Variants in ZFPM2 observed in about 807,000 individuals in gnomAD.
ZFPM2 encodes zinc finger protein ZFPM2.
ZFPM2 carries 20 observed loss-of-function variants against 98.6 expected under a neutral mutation model. The observed-to-expected ratio is 0.20, with a 90% CI of 0.14 to 0.29. The LOEUF is 0.29. Ranked by LOEUF, ZFPM2 falls within the 10% of genes least tolerant of loss-of-function variation. The pLI, the probability that ZFPM2 is intolerant of heterozygous loss-of-function variation, is 1.00. For missense variants in ZFPM2, 1,310 were observed against 1,388.6 expected, an observed-to-expected ratio of 0.94 and a Z score of 0.90; for synonymous variants, 518 against 502.7, an observed-to-expected ratio of 1.03 and a Z score of -0.41.
chr8:105,484,621 A>G (rs1045305231), intron 3 of ZFPM2, among the ~76,000 whole-genome samples: 3 of 152,224 alleles, frequency 2.0e-5, no homozygotes, highest in Admixed American at 6.5e-5. Context: ...ACACGTCCTT[A>G]GAATAGTGCC....
intron 3 of ZFPM2, among the ~76,000 whole-genome samples, chr8:105,451,098 G>A (rs151125607): frequency 1.3e-3 from 193 of 152,198 alleles, no homozygotes; most frequent in African/African-American, 4.3e-3. Flanking sequence ...TACTTCTTCA[G>A]CTGTGTAAGA....
chr8:105,704,861 T>A (rs1295131383), intron 5 of ZFPM2, among the ~76,000 whole-genome samples: 1 of 152,182 alleles, frequency 6.6e-6, no homozygotes, highest in Non-Finnish European at 1.5e-5. Flanking sequence ...TTTAGTTCAC[T>A]GGTTAGCACA....
At chr8:105,521,256 C>T (rs1425380416) in intron 3 of ZFPM2, among the ~76,000 whole-genome samples, 2 of 151,744 alleles carry the variant, frequency 1.3e-5, no homozygotes, top group East Asian at 1.9e-4. Flanking sequence ...AAACTGTGAG[C>T]AATTTCTAGA....
intron 3 of ZFPM2, among the ~76,000 whole-genome samples, chr8:105,520,912 A>G (rs1430218009): frequency 6.6e-6 from 1 of 152,106 alleles, no homozygotes; most frequent in Non-Finnish European, 1.5e-5. Flanking sequence ...ATTAGCTGAT[A>G]ATAGACATCT....
intron 1 of ZFPM2, among the ~76,000 whole-genome samples, chr8:105,411,070 C>G (rs1188161781): frequency 6.6e-6 from 1 of 151,852 alleles, no homozygotes; most frequent in Admixed American, 6.6e-5. Context: ...AATAATTTGA[C>G]ACTGTGTCTA....
At chr8:105,636,042 C>T (rs1032728293) in intron 5 of ZFPM2, among the ~76,000 whole-genome samples, 2 of 152,016 alleles carry the variant, frequency 1.3e-5, no homozygotes, top group African/African-American at 4.8e-5. Context: ...AATGGTAATT[C>T]TATACAATAT....
intron 1 of ZFPM2, among the ~76,000 whole-genome samples, chr8:105,349,557 T>A (rs770608217): frequency 6.6e-6 from 1 of 152,214 alleles, no homozygotes; most frequent in Admixed American, 6.5e-5. Flanking sequence ...GTGAAGGGTT[T>A]ACATTCACTT....
chr8:105,709,784 G>A (rs1446201102), intron 5 of ZFPM2, among the ~76,000 whole-genome samples: 5 of 152,128 alleles, frequency 3.3e-5, no homozygotes, highest in South Asian at 2.1e-4. Flanking sequence ...AAAAAGATAC[G>A]AAAGTTTAAG....
intron 5 of ZFPM2, among the ~76,000 whole-genome samples, chr8:105,725,223 A>G (rs1293344199): frequency 6.6e-6 from 1 of 151,780 alleles, no homozygotes; most frequent in Non-Finnish European, 1.5e-5. Flanking sequence ...TTATCCAGTT[A>G]TCTTTGTGCA....
At chr8:105,338,632 C>A (rs1488254924) in intron 1 of ZFPM2, among the ~76,000 whole-genome samples, 1 of 151,694 alleles carries the variant, frequency 6.6e-6, no homozygotes, top group Non-Finnish European at 1.5e-5. Flanking sequence ...AAATATGTAA[C>A]CTTTTGTGCC....
At chr8:105,789,488 T>G (rs1411753092) in intron 6 of ZFPM2, among the ~76,000 whole-genome samples, 1 of 152,220 alleles carries the variant, frequency 6.6e-6, no homozygotes, top group African/African-American at 2.4e-5. Flanking sequence ...CTATCATTGT[T>G]GGACATTTGG....
intron 1 of ZFPM2, among the ~76,000 whole-genome samples, chr8:105,397,889 G>A (rs1811254769): frequency 1.3e-5 from 2 of 151,994 alleles, no homozygotes; most frequent in South Asian, 4.2e-4. Flanking sequence ...CATATACCAC[G>A]GACAAATCAA....
At chr8:105,381,931 G>T (rs1810897550) in intron 1 of ZFPM2, among the ~76,000 whole-genome samples, 1 of 152,044 alleles carries the variant, frequency 6.6e-6, no homozygotes, top group Admixed American at 6.6e-5. Context: ...TATTTCTATG[G>T]ATTGGTAGAC....
At chr8:105,666,092 G>C (rs1470610741) in intron 5 of ZFPM2, among the ~76,000 whole-genome samples, 3 of 151,928 alleles carry the variant, frequency 2.0e-5, no homozygotes, top group Non-Finnish European at 4.4e-5. Context: ...ATCAATCTTT[G>C]CATCTATAGG....
chr8:105,776,183 T>G (rs1813100703), intron 5 of ZFPM2, among the ~76,000 whole-genome samples: 3 of 152,054 alleles, frequency 2.0e-5, no homozygotes, highest in Admixed American at 1.3e-4. Context: ...ATGCCCTCTT[T>G]GAGAAGAGGG....
chr8:105,552,596 AGCTAGTC>A (rs1814885233), intron 3 of ZFPM2, among the ~76,000 whole-genome samples: 2 of 152,076 alleles, frequency 1.3e-5, no homozygotes, highest in African/African-American at 4.8e-5. Flanking sequence ...CATTTGCAAG[AGCTAGTC>A]ACACTCCAGG....
intron 3 of ZFPM2, among the ~76,000 whole-genome samples, chr8:105,486,914 A>G (rs1245952268): frequency 6.6e-6 from 1 of 152,224 alleles, no homozygotes; most frequent in African/African-American, 2.4e-5. Context: ...TTAGGGATCT[A>G]GTCACATTAC....
chr8:105,420,878 A>G (rs1282110067), intron 2 of ZFPM2, among the ~76,000 whole-genome samples: 1 of 152,168 alleles, frequency 6.6e-6, no homozygotes, highest in South Asian at 2.1e-4. Flanking sequence ...GTATGGATTT[A>G]TACCTTTTGT....
At chr8:105,654,767 T>C (rs546747368) in intron 5 of ZFPM2, among the ~76,000 whole-genome samples, 38 of 152,144 alleles carry the variant, frequency 2.5e-4, no homozygotes, top group Non-Finnish European at 4.6e-4. Flanking sequence ...AACTTATCTA[T>C]AACCTATTTT....
Sources: allele counts gnomAD v4.1 joint callset (sites outside exome capture counted in the v4.1 genomes callset), GRCh38; gene constraint gnomAD v4.1.1; transcripts MANE v1.5; gene names NCBI Gene and HGNC (gene_info 2026-07-23, HGNC 2026-07-21).